The following KCNH8 variants were observed in gnomAD, a reference collection of about 807,000 sequenced individuals.
KCNH8 encodes the protein voltage-gated delayed rectifier potassium channel KCNH8.
A neutral mutation model predicts 103.6 loss-of-function variants in KCNH8; 70 were observed. That is an observed-to-expected ratio of 0.68 (90% CI 0.56 to 0.82). The LOEUF (loss-of-function observed/expected upper bound fraction) is 0.82. Ranked by LOEUF, KCNH8 falls within the 40% of genes least tolerant of loss-of-function variation. The probability of loss-of-function intolerance (pLI) is 0.00; values close to 1 mark genes in which losing one functional copy is unlikely to be tolerated. For missense variants in KCNH8, 1,217 were observed against 1,329.9 expected (o/e 0.92, Z 1.32); for synonymous variants, 498 against 489.4 (o/e 1.02, Z -0.23).
intron 1 of KCNH8, among the ~76,000 whole-genome samples, chr3:19,174,987 G>C (rs2063383571): frequency 6.6e-6 from 1 of 152,100 alleles, no homozygotes; most frequent in Non-Finnish European, 1.5e-5. Flanking sequence ...TGACCAATTA[G>C]TCAGAATATG....
intron 2 of KCNH8, among the ~76,000 whole-genome samples, chr3:19,260,839 A>C (rs1364560460): frequency 6.7e-6 from 1 of 149,350 alleles, no homozygotes; most frequent in Non-Finnish European, 1.5e-5. Context: ...ATGATTCCAT[A>C]TATAAGTGAG....
chr3:19,283,882 G>A (rs972303194), intron 3 of KCNH8, among the ~76,000 whole-genome samples: 3 of 150,726 alleles, frequency 2.0e-5, no homozygotes, highest in African/African-American at 7.3e-5. Flanking sequence ...GGTGAATGCT[G>A]CAGTGACTGG....
At chr3:19,425,332 T>C (rs577285407) in intron 7 of KCNH8, among the ~76,000 whole-genome samples, 1 of 152,204 alleles carries the variant, frequency 6.6e-6, no homozygotes, top group South Asian at 2.1e-4. Flanking sequence ...CTTTAAACTC[T>C]TTCTGGTTGC....
At chr3:19,495,208 C>T (rs1169909786) in intron 11 of KCNH8, among the ~76,000 whole-genome samples, 1 of 152,162 alleles carries the variant, frequency 6.6e-6, no homozygotes, top group East Asian at 1.9e-4. Flanking sequence ...AATTAGTTCC[C>T]ATTTGTCAAT....
chr3:19,172,487 C>T (rs928858618), intron 1 of KCNH8, among the ~76,000 whole-genome samples: 13 of 152,116 alleles, frequency 8.5e-5, no homozygotes, highest in Non-Finnish European at 1.8e-4. Context: ...CTTTATAAAA[C>T]TCCTTGATCA....
chr3:19,214,180 C>T (rs1428402969), intron 1 of KCNH8, among the ~76,000 whole-genome samples: 1 of 152,216 alleles, frequency 6.6e-6, no homozygotes, highest in Non-Finnish European at 1.5e-5. Flanking sequence ...CTGAACTGCA[C>T]TTTCTCTAAG....
chr3:19,368,331 T>A (rs2066041492), intron 5 of KCNH8, among the ~76,000 whole-genome samples: 1 of 151,896 alleles, frequency 6.6e-6, no homozygotes, highest in East Asian at 1.9e-4. Context: ...ATTCCATAAG[T>A]GTAGGAAAGA....
At chr3:19,204,287 G>C (rs2125219919) in intron 1 of KCNH8, among the ~76,000 whole-genome samples, 1 of 152,096 alleles carries the variant, frequency 6.6e-6, no homozygotes, top group African/African-American at 2.4e-5. Context: ...GTCTGTGAGA[G>C]CCCATTTCTC....
At chr3:19,165,968 G>T (rs1433998134) in intron 1 of KCNH8, among the ~76,000 whole-genome samples, 1 of 152,158 alleles carries the variant, frequency 6.6e-6, no homozygotes, top group Admixed American at 6.5e-5. Context: ...TAACACAAAT[G>T]ATTTTCAAGA....
At chr3:19,503,315 T>C (rs995345356) in intron 11 of KCNH8, among the ~76,000 whole-genome samples, 5 of 152,058 alleles carry the variant, frequency 3.3e-5, no homozygotes, top group African/African-American at 7.2e-5. Flanking sequence ...TAGGAACACT[T>C]TTACACTGTT....
At chr3:19,237,786 A>G (rs1399703579) in intron 1 of KCNH8, among the ~76,000 whole-genome samples, 1 of 152,238 alleles carries the variant, frequency 6.6e-6, no homozygotes, top group Non-Finnish European at 1.5e-5. Context: ...ATGTATATGC[A>G]GGGCACACAT....
At chr3:19,404,913 C>T (rs1477246429) in intron 7 of KCNH8, among the ~76,000 whole-genome samples, 5 of 151,736 alleles carry the variant, frequency 3.3e-5, no homozygotes, top group Non-Finnish European at 5.9e-5. Flanking sequence ...CTTCTGTTGA[C>T]AGTATAATTT....
At chr3:19,174,400 C>A (rs2167123) in intron 1 of KCNH8, among the ~76,000 whole-genome samples, 2 of 152,090 alleles carry the variant, frequency 1.3e-5, no homozygotes, top group Non-Finnish European at 2.9e-5. Flanking sequence ...ATCATACGGA[C>A]GTCTTGACAA....
chr3:19,186,949 C>T (rs940379083), intron 1 of KCNH8, among the ~76,000 whole-genome samples: 195 of 152,086 alleles, frequency 1.3e-3, no homozygotes, highest in African/African-American at 4.5e-3. Flanking sequence ...TTATGGTCTC[C>T]CATTCAATTC....
intron 11 of KCNH8, among the ~76,000 whole-genome samples, chr3:19,504,598 C>T (rs2068654961): frequency 6.6e-6 from 1 of 152,106 alleles, no homozygotes; most frequent in South Asian, 2.1e-4. Flanking sequence ...TATCACTGAT[C>T]ATTAGAGAAA....
In KCNH8 at chr3:19,334,370, T is replaced by C. The variant is rs138230659; in HGVS notation, c.443-8217T>C. On this transcript the variant is annotated intron_variant, in intron 3 of 15. Coordinates refer to ENST00000328405, the MANE Select transcript of KCNH8 (RefSeq NM_144633.3). ...AAGCAAAGCTTCAGGAGGTCGAGGC[T>C]ATAGCTTGCGATGATTGCACCTATG... Among the ~76,000 whole-genome samples, 944 of 152,246 alleles carry C rather than the reference T, an allele frequency of 6.2e-3. 11 individuals are homozygous for C. Among genetic ancestry groups the C allele is most frequent in the African/African-American group, 0.021 (863 of 41,550 alleles).
chr3:19,349,092 C>T (rs1389770969), intron 5 of KCNH8, among the ~76,000 whole-genome samples: 1 of 151,684 alleles, frequency 6.6e-6, no homozygotes, highest in Non-Finnish European at 1.5e-5. Flanking sequence ...CTGCTGTCAC[C>T]CCAGAAGTGG....
chr3:19,499,695 A>G (rs555181215), intron 11 of KCNH8, among the ~76,000 whole-genome samples: 12 of 152,354 alleles, frequency 7.9e-5, no homozygotes, highest in African/African-American at 2.4e-4. Context: ...ACTAAGCTTC[A>G]TAAGTGAAGG....
chr3:19,268,584 G>A (rs1559451387), intron 2 of KCNH8, among the ~76,000 whole-genome samples: 1 of 152,124 alleles, frequency 6.6e-6, no homozygotes, highest in Admixed American at 6.6e-5. Context: ...AAAGTCACAT[G>A]ATGAAAATTT....
Sources: gnomAD v4.1 joint callset for allele counts (sites outside exome capture counted in the v4.1 genomes callset) on GRCh38, gnomAD v4.1.1 for gene constraint, MANE v1.5 for transcripts, NCBI Gene and HGNC (gene_info 2026-07-23, HGNC 2026-07-21) for gene names.